NKAIN2: variants seen among roughly 807,000 people sequenced by gnomAD.
NKAIN2 encodes the protein sodium/potassium-transporting ATPase subunit beta-1-interacting protein 2.
Under a neutral mutation model 32.6 loss-of-function variants are expected in NKAIN2, and 14 were observed. That is an observed-to-expected ratio of 0.43 (90% CI 0.28 to 0.67). NKAIN2 has a LOEUF of 0.67. Ranked by LOEUF, NKAIN2 falls within the 30% of genes least tolerant of loss-of-function variation. NKAIN2 has a pLI of 0.17. For missense variants in NKAIN2, 198 were observed against 258.3 expected (o/e 0.77, Z 1.60); for synonymous variants, 80 against 87.2 (o/e 0.92, Z 0.46).
intron 3 of NKAIN2, among the ~76,000 whole-genome samples, chr6:124,454,854 A>C (rs1000586090): frequency 3.3e-5 from 5 of 152,038 alleles, no homozygotes; most frequent in African/African-American, 1.2e-4. Context: ...TTAGCATTGA[A>C]AACAAATGGT....
chr6:124,343,428 C>T (rs1032663029), intron 2 of NKAIN2, among the ~76,000 whole-genome samples: 58 of 150,944 alleles, frequency 3.8e-4, no homozygotes, highest in African/African-American at 1.4e-3. Flanking sequence ...AATGGTTGAA[C>T]TAGTTTACAG....
chr6:124,721,280 T>G (rs1374666966), intron 4 of NKAIN2, among the ~76,000 whole-genome samples: 1 of 151,464 alleles, frequency 6.6e-6, no homozygotes, highest in Non-Finnish European at 1.5e-5. Context: ...GGCGGGCGCC[T>G]GTAGTCCCAG....
intron 4 of NKAIN2, among the ~76,000 whole-genome samples, chr6:124,756,024 A>AAATGAATG (rs35592586): frequency 6.6e-6 from 1 of 151,790 alleles, no homozygotes; most frequent in African/African-American, 2.4e-5. Context: ...AATACTTATT[A>AAATGAATG]AATGAATGAA....
At position 124,411,142 on chromosome 6, in the gene NKAIN2, C is replaced by G. The variant is rs1042799183; in HGVS notation, c.273+55795C>G. On this transcript the variant is annotated intron_variant, in intron 3 of 6. Coordinates refer to ENST00000368417, the MANE Select transcript of NKAIN2 (RefSeq NM_001040214.3). Reference sequence around the variant, plus strand: ...GGTCTTGACTCTTTATCCAGTTTGCCAGTCTGTGCCTTTTAATTGGAGCAT... The same window carrying G: ...GGTCTTGACTCTTTATCCAGTTTGCGAGTCTGTGCCTTTTAATTGGAGCAT... Among the ~76,000 whole-genome samples, 19 of 152,216 alleles carry G rather than the reference C, an allele frequency of 1.2e-4. 1 individual carries two copies. Among genetic ancestry groups the G allele is most frequent in the Admixed American group, 9.8e-4 (15 of 15,308 alleles).
intron 3 of NKAIN2, among the ~76,000 whole-genome samples, chr6:124,442,917 A>G (rs1775747698): frequency 1.3e-5 from 2 of 152,108 alleles, no homozygotes; most frequent in Admixed American, 6.6e-5. Flanking sequence ...GAGCAGGGCC[A>G]CTTATACCAC....
At chr6:124,071,095 C>T (rs1004387101) in intron 1 of NKAIN2, among the ~76,000 whole-genome samples, 8 of 152,064 alleles carry the variant, frequency 5.3e-5, no homozygotes, top group African/African-American at 9.7e-5. Flanking sequence ...AACAAAAGCT[C>T]ACAACTGGCC....
chr6:124,604,200 A>G (rs543325146), intron 3 of NKAIN2, among the ~76,000 whole-genome samples: 1 of 152,080 alleles, frequency 6.6e-6, no homozygotes, highest in African/African-American at 2.4e-5. Context: ...AGGCCTACAA[A>G]CACGAAATTT....
At chr6:123,847,437 C>T (rs966995882) in intron 1 of NKAIN2, among the ~76,000 whole-genome samples, 3 of 152,062 alleles carry the variant, frequency 2.0e-5, no homozygotes, top group Non-Finnish European at 2.9e-5. Flanking sequence ...GCATGTATCC[C>T]GGCGGATGGA....
chr6:124,679,074 G>C (rs949262348), intron 4 of NKAIN2, among the ~76,000 whole-genome samples: 5 of 151,962 alleles, frequency 3.3e-5, no homozygotes, highest in East Asian at 1.9e-4. Context: ...TGGTCCACAG[G>C]CTTCTCGAGT....
chr6:124,812,404 G>T (rs72979748), intron 5 of NKAIN2, among the ~76,000 whole-genome samples: 1 of 152,068 alleles, frequency 6.6e-6, no homozygotes, highest in Non-Finnish European at 1.5e-5. Flanking sequence ...AGTGTCTTCC[G>T]TGAGCCAGAC....
At chr6:124,225,489 G>A (rs1347855230) in intron 1 of NKAIN2, among the ~76,000 whole-genome samples, 1 of 151,656 alleles carries the variant, frequency 6.6e-6, no homozygotes, top group Admixed American at 6.6e-5. Flanking sequence ...ATAATTCAAA[G>A]GAAGTCTTTC....
intron 1 of NKAIN2, among the ~76,000 whole-genome samples, chr6:124,239,145 TA>T (rs1170691739): frequency 6.6e-6 from 1 of 151,500 alleles, no homozygotes; most frequent in Non-Finnish European, 1.5e-5. Flanking sequence ...CCAACAAAGA[TA>T]AAAAAAGGAA....
intron 1 of NKAIN2, among the ~76,000 whole-genome samples, chr6:124,082,462 A>C (rs995361594): frequency 6.6e-6 from 1 of 152,056 alleles, no homozygotes; most frequent in Non-Finnish European, 1.5e-5. Flanking sequence ...CTTCAATACT[A>C]TTTAAATTGA....
At chr6:124,712,638 C>T (rs867210934) in intron 4 of NKAIN2, among the ~76,000 whole-genome samples, 11 of 151,018 alleles carry the variant, frequency 7.3e-5, no homozygotes, top group African/African-American at 1.5e-4. Flanking sequence ...TGACCCCTTG[C>T]GCTTCCCAAG....
At chr6:124,234,715 T>G (rs1792651436) in intron 1 of NKAIN2, among the ~76,000 whole-genome samples, 1 of 152,154 alleles carries the variant, frequency 6.6e-6, no homozygotes, top group Non-Finnish European at 1.5e-5. Context: ...TTTAAGCTTA[T>G]GTAGGATCTG....
At chr6:124,177,308 G>GA (rs1789208696) in intron 1 of NKAIN2, among the ~76,000 whole-genome samples, 1 of 152,120 alleles carries the variant, frequency 6.6e-6, no homozygotes, top group Admixed American at 6.5e-5. Flanking sequence ...TTTATAAGGG[G>GA]AAAACAGATA....
At chr6:123,899,410 C>T (rs577752653) in intron 1 of NKAIN2, among the ~76,000 whole-genome samples, 1 of 152,128 alleles carries the variant, frequency 6.6e-6, no homozygotes, top group South Asian at 2.1e-4. Flanking sequence ...TGACCTCATC[C>T]TCCCTCTATT....
At chr6:124,498,328 G>A (rs1778148233) in intron 3 of NKAIN2, among the ~76,000 whole-genome samples, 1 of 152,098 alleles carries the variant, frequency 6.6e-6, no homozygotes, top group South Asian at 2.1e-4. Flanking sequence ...AAATATCCTT[G>A]ATTATTTGTA....
rs187689092 is a variant in NKAIN2, at chr6:124,488,145, G to A, written c.273+132798G>A. Among the ~76,000 whole-genome samples the A allele has an allele frequency of 1.6e-3, 246 of 152,096 alleles. 1 individual carries two copies. The highest frequency in any genetic ancestry group is 3.0e-3 in the Non-Finnish European group (205 of 67,916). On this transcript the variant is annotated intron_variant, in intron 3 of 6. Coordinates refer to ENST00000368417, the MANE Select transcript of NKAIN2 (RefSeq NM_001040214.3). ...AATTCTGTCAGGAACTACTGTGTAT[G>A]AGTCACAGAAGCCACAATACTGTAT...
Sources: allele counts gnomAD v4.1 joint callset (sites outside exome capture counted in the v4.1 genomes callset), GRCh38; gene constraint gnomAD v4.1.1; transcripts MANE v1.5; gene names NCBI Gene and HGNC (gene_info 2026-07-23, HGNC 2026-07-21).